The following RIN2 variants were observed in gnomAD, a reference collection of about 807,000 sequenced individuals.
The protein encoded by RIN2 is RAB5 interacting protein 2.
A neutral mutation model predicts 78.0 loss-of-function variants in RIN2; 36 were observed. The observed-to-expected ratio is 0.46, with a 90% CI of 0.35 to 0.61. The LOEUF is 0.61. Ranked by LOEUF, RIN2 falls within the 20% of genes least tolerant of loss-of-function variation. RIN2 has a pLI of 0.00. For missense variants in RIN2, 1,087 were observed against 1,159.7 expected (o/e 0.94, Z 0.91); for synonymous variants, 466 against 466.8 (o/e 1.00, Z 0.02).
chr20:19,951,476 C>A (rs2041314651), intron 4 of RIN2, among the ~76,000 whole-genome samples: 1 of 152,174 alleles, frequency 6.6e-6, no homozygotes, highest in African/African-American at 2.4e-5. Context: ...GATGTCAGGG[C>A]AGCTCATTTT....
chr20:19,807,782 C>T (rs897013927), intron 2 of RIN2, among the ~76,000 whole-genome samples: 4 of 152,172 alleles, frequency 2.6e-5, no homozygotes, highest in African/African-American at 9.7e-5. Context: ...GCAAAAATGC[C>T]TTTTCTGTGC....
At chr20:19,882,877 G>C (rs1002815606) in intron 2 of RIN2, among the ~76,000 whole-genome samples, 1 of 152,048 alleles carries the variant, frequency 6.6e-6, no homozygotes, top group Non-Finnish European at 1.5e-5. Context: ...TAGAAATACT[G>C]AAAAAAATTA....
intron 6 of RIN2, 51 bp downstream of exon 6, chr20:19,960,862 T>G: frequency 3.5e-6 from 4 of 1,153,552 alleles, no homozygotes; most frequent in Non-Finnish European, 5.0e-6. Flanking sequence ...CACGGGGCTC[T>G]GCAGGGAGTG....
At chr20:19,889,070 G>A (rs2038324178) in intron 2 of RIN2, 2 of 925,358 alleles carry the variant, frequency 2.2e-6, no homozygotes, top group Middle Eastern at 5.6e-4. Context: ...GAAAAATAGA[G>A]CAATTTCTTC....
At chr20:19,993,514 C>G (rs1355806440) in intron 11 of RIN2, among the ~76,000 whole-genome samples, 1 of 152,130 alleles carries the variant, frequency 6.6e-6, no homozygotes, top group African/African-American at 2.4e-5. Flanking sequence ...TCCCACGTGA[C>G]CATGGGTAGT....
chr20:19,834,180 G>A (rs748842970), intron 2 of RIN2, among the ~76,000 whole-genome samples: 30 of 152,148 alleles, frequency 2.0e-4, no homozygotes, highest in Non-Finnish European at 3.7e-4. Context: ...TCAGCCCATA[G>A]GCAGCTCCCT....
At chr20:19,821,283 TC>T (rs1334976914) in intron 2 of RIN2, among the ~76,000 whole-genome samples, 7 of 152,326 alleles carry the variant, frequency 4.6e-5, no homozygotes, top group Non-Finnish European at 8.8e-5. Context: ...TTTCTAGATG[TC>T]TTATTTTGGT....
At chr20:19,886,634 T>A in intron 2 of RIN2, 39 of 686,814 alleles carry the variant, frequency 5.7e-5, no homozygotes, top group Non-Finnish European at 8.5e-5. Flanking sequence ...TTTTTTTTGC[T>A]AGCTTTTAGC....
At chr20:19,979,826 T>C (rs2042388709) in intron 9 of RIN2, among the ~76,000 whole-genome samples, 1 of 151,900 alleles carries the variant, frequency 6.6e-6, no homozygotes, top group Non-Finnish European at 1.5e-5. Context: ...GTGGATCACC[T>C]GAGGTCAGGA....
intron 1 of RIN2, among the ~76,000 whole-genome samples, chr20:19,764,288 C>CTTAA (rs1490132955): frequency 6.6e-6 from 1 of 152,142 alleles, no homozygotes; most frequent in Non-Finnish European, 1.5e-5. Flanking sequence ...TACAAGAATA[C>CTTAA]TTTTAAAACA....
rs546472742 is a variant in RIN2 at position 19,901,137 on chromosome 20, G to A, written c.57+11479G>A. 2.3e-4 allele frequency among the ~76,000 whole-genome samples: 35 copies of A among 152,098 alleles called. 1 individual carries two copies. The highest frequency in any genetic ancestry group is 1.9e-3 in the Admixed American group (29 of 15,272). ...GGCACTATACAAAAAGCATAGAAAC[G>A]TCTTCATTCTCAACCTAGCTTCATG... On this transcript the variant is annotated intron_variant, in intron 3 of 12. Coordinates refer to ENST00000255006, the MANE Select transcript of RIN2 (RefSeq NM_018993.4).
chr20:19,915,875 A>G (rs2039662582), intron 3 of RIN2, among the ~76,000 whole-genome samples: 1 of 152,188 alleles, frequency 6.6e-6, no homozygotes, highest in South Asian at 2.1e-4. Flanking sequence ...CATGCTACAG[A>G]TTCATCTCCC....
In RIN2 at chr20:19,861,696, C is replaced by A. The variant is rs113656701; in HGVS notation, c.-36-27870C>A. 7.7e-4 allele frequency among the ~76,000 whole-genome samples: 116 copies of A among 151,376 alleles called. 2 individuals carry two copies. In the East Asian group the frequency reaches 0.021, roughly 27 times the overall value. The stretch of plus-strand genomic sequence containing the variant: ...ATGATGACCCTCCGTATCTGATCAA[C>A]CTCCATATCTGATGATCATCCTCCA... On this transcript the variant is annotated intron_variant, in intron 2 of 12. Transcript: ENST00000255006.
rs769185911 is a variant in RIN2 at position 19,975,035 on chromosome 20, C to T, written c.1010C>T (p.Thr337Ile). 135 of 1,599,986 alleles carry T rather than the reference C, an allele frequency of 8.4e-5. 1 individual carries two copies. The South Asian group carries it at 1.4e-3, about 17-fold the overall frequency. The change falls in exon 9 of 13, where the codon ACA (threonine) becomes ATA (isoleucine). Residue 337 changes from threonine to isoleucine, a missense_variant. By Grantham distance (89) the Thr-to-Ile change is moderately conservative. Coordinates refer to ENST00000255006, the MANE Select transcript of RIN2 (RefSeq NM_018993.4). The surrounding 1 kb of genome is among the most constrained non-coding windows in gnomAD (Gnocchi z 4.9). ...GAAACCCAGACGAGCATGCCAGAAA[C>T]AGTCAACCATAACAAACATGGGAAC... The part of the protein sequence containing the change: ...RTETQTSMPE[T>I]VNHNKHGNVA...
intron 4 of RIN2, among the ~76,000 whole-genome samples, chr20:19,947,706 G>C (rs532065034): frequency 7.9e-5 from 12 of 152,364 alleles, no homozygotes; most frequent in African/African-American, 2.4e-4. Flanking sequence ...GAGCCCTCAG[G>C]CTTCAAGAAA....
chr20:19,908,683 A>C (rs910692902), intron 3 of RIN2, among the ~76,000 whole-genome samples: 1 of 152,178 alleles, frequency 6.6e-6, no homozygotes, highest in Non-Finnish European at 1.5e-5. Context: ...TCAAAGTTCA[A>C]AGCTTTTCAG....
intron 6 of RIN2, among the ~76,000 whole-genome samples, chr20:19,962,326 A>G (rs2146264866): frequency 6.6e-6 from 1 of 151,752 alleles, no homozygotes; most frequent in South Asian, 2.1e-4. Context: ...AAAAAAAAAA[A>G]GTCCACAAGG....
intron 3 of RIN2, among the ~76,000 whole-genome samples, chr20:19,900,589 G>C: frequency 6.6e-6 from 1 of 151,776 alleles, no homozygotes; most frequent in East Asian, 1.9e-4. Context: ...AGGAATTAGA[G>C]ACCACCCTGG....
intron 2 of RIN2, among the ~76,000 whole-genome samples, chr20:19,828,993 C>T (rs964097934): frequency 3.9e-5 from 6 of 152,252 alleles, no homozygotes; most frequent in Non-Finnish European, 7.4e-5. Flanking sequence ...CATTTCACCA[C>T]GTTTAATATA....
Sources: gnomAD v4.1 joint callset for allele counts (sites outside exome capture counted in the v4.1 genomes callset) on GRCh38, gnomAD v4.1.1 for gene constraint, Gnocchi (gnomAD v3.1) non-coding constraint, MANE v1.5 for transcripts, NCBI Gene and HGNC (gene_info 2026-07-23, HGNC 2026-07-21) for gene names.